Variants in RARG observed in about 807,000 individuals in gnomAD.
RARG encodes the protein RAR-gamma.
A neutral mutation model predicts 43.7 loss-of-function variants in RARG; 17 were observed. The observed-to-expected ratio is 0.39, with a 90% CI of 0.27 to 0.58. The LOEUF (loss-of-function observed/expected upper bound fraction) is 0.58, where lower values mean the gene tolerates loss of function less well. Ranked by LOEUF, RARG falls within the 20% of genes least tolerant of loss-of-function variation. The pLI is 0.57. For synonymous variants in RARG, 238 were observed against 236.4 expected (o/e 1.01, Z -0.06); for missense variants, 346 against 598.7 (o/e 0.58, Z 4.40).
rs770472394 is a variant in RARG, at chr12:53,227,565, T to C, written c.-20A>G. ...GGCCATGGCAGCTGCGGTGTGAGAG[T>C]CCCCTGGGGTCTGCAGTGGGCGGGC... is the stretch of plus-strand genomic sequence containing the variant. On this transcript the variant is annotated 5_prime_UTR_variant, in exon 3 of 10. Transcript: ENST00000425354. This position sits in a 1 kb window ranked among gnomAD's most constrained non-coding sequence, Gnocchi z 4.3. 4 of 1,523,684 alleles carry C rather than the reference T, an allele frequency of 2.6e-6. No individual in the cohort carries two copies. Among genetic ancestry groups the C allele is most frequent in the Non-Finnish European group, 3.5e-6 (4 of 1,134,012 alleles). The allele number at this position is 1,523,684 out of a possible 1,614,324, so 94.4% of individuals were successfully genotyped here.
intron 2 of RARG, among the ~76,000 whole-genome samples, chr12:53,230,955 T>C (rs12227354): frequency 0.1 from 15,398 of 151,876 alleles, 1,275 homozygotes; most frequent in African/African-American, 0.23. Flanking sequence ...GTCTTCTCTC[T>C]ACTTGCCTCA....
chr12:53,228,124 CTT>C (rs1174863457), intron 2 of RARG, among the ~76,000 whole-genome samples: 4 of 152,190 alleles, frequency 2.6e-5, no homozygotes, highest in Non-Finnish European at 4.4e-5. Flanking sequence ...GATTCAAACT[CTT>C]TACCATCCTG....
intron 2 of RARG, chr12:53,230,028 A>G: frequency 2.1e-6 from 2 of 932,364 alleles, no homozygotes; most frequent in South Asian, 9.9e-5. Context: ...GATTCCTCCC[A>G]TTTCTGAGCC....
rs59367849 is a variant in RARG, at chr12:53,230,836, C to CGTGTGT, written c.-143+327_-143+332dup. Among the ~76,000 whole-genome samples, 754 of 119,988 alleles carry CGTGTGT rather than the reference C, an allele frequency of 6.3e-3. 4 individuals are homozygous for CGTGTGT. The highest frequency in any genetic ancestry group is 8.9e-3 in the Non-Finnish European group (509 of 57,292). 78.7% of individuals were successfully genotyped at this position (119,988 alleles called of 152,430 possible). ...GCCTACTAGGCTGTAGGCCACAGTGCGTGTGTGTGTGTGTGTGTGTGTGTG... is the reference window on the plus strand; with the variant it reads ...GCCTACTAGGCTGTAGGCCACAGTGCGTGTGTGTGTGTGTGTGTGTGTGTGTGTGTG... On this transcript the variant is annotated intron_variant, in intron 2 of 9. Coordinates refer to ENST00000425354, the MANE Select transcript of RARG (RefSeq NM_000966.6).
intron 3 of RARG, among the ~76,000 whole-genome samples, chr12:53,224,352 G>A (rs1474989288): frequency 6.6e-6 from 1 of 152,112 alleles, no homozygotes; most frequent in Non-Finnish European, 1.5e-5. Flanking sequence ...CAGCCCCAGG[G>A]AGAAGTGCCA....
chr12:53,214,692 G>C, intron 5 of RARG, 86 bp from the exon 6 acceptor site: 1 of 1,309,178 alleles, frequency 7.6e-7, no homozygotes, highest in Non-Finnish European at 1.0e-6. Context: ...AATATGCTCA[G>C]TCCTTATCAT....
At chr12:53,220,967 C>T (rs931947112) in intron 3 of RARG, among the ~76,000 whole-genome samples, 2 of 151,904 alleles carry the variant, frequency 1.3e-5, no homozygotes, top group Non-Finnish European at 2.9e-5. Flanking sequence ...CCGAAAAGTG[C>T]ATTCCTGCGG....
chr12:53,223,475 G>A (rs1225301049), intron 3 of RARG, among the ~76,000 whole-genome samples: 1 of 151,524 alleles, frequency 6.6e-6, no homozygotes, highest in Admixed American at 6.6e-5. Flanking sequence ...GCCAGGAGAG[G>A]GGGGTGCAGC....
intron 3 of RARG, among the ~76,000 whole-genome samples, chr12:53,225,372 C>T (rs1051816639): frequency 6.6e-6 from 1 of 152,208 alleles, no homozygotes; most frequent in African/African-American, 2.4e-5. Context: ...GAATTCTGTA[C>T]ATGAGCAGAG....
chr12:53,214,607 CT>C lies in RARG; in HGVS notation c.476-2del. The C allele has an allele frequency of 6.3e-7, 1 of 1,598,328 alleles. No individual in the cohort carries two copies. Among genetic ancestry groups the C allele is most frequent in the Non-Finnish European group, 8.6e-7 (1 of 1,167,060 alleles). On this transcript the variant is annotated splice_acceptor_variant, in intron 5 of 9. Coordinates refer to ENST00000425354, the MANE Select transcript of RARG (RefSeq NM_000966.6). LOFTEE classifies it high-confidence loss of function. ...TTCTTGTTCCGGTCATTTCGCACAG[CT>C]TGTGGGTGGAGGCGCAAGGAGAGGG... is the stretch of plus-strand genomic sequence containing the variant.
At chr12:53,229,613 G>A (rs79988442) in intron 2 of RARG, among the ~76,000 whole-genome samples, 4,259 of 152,186 alleles carry the variant, frequency 0.028, 115 homozygotes, top group South Asian at 0.096. Flanking sequence ...ATTCCCCTCC[G>A]AAGTTCTCAT....
Position 53,214,543 on chromosome 12 carries a change from T to C in RARG, c.539A>G (p.Tyr180Cys), listed in dbSNP as rs1263365408. Residue 180 changes from tyrosine to cysteine, a missense_variant, in exon 6 of 10, where the codon TAT becomes TGT. Tyr to Cys is a radical substitution (Grantham distance 194). Coordinates refer to ENST00000425354, the MANE Select transcript of RARG (RefSeq NM_000966.6). The stretch of plus-strand genomic sequence containing the variant: ...CTCTTCTAACTGAGGGCTCAGCTCA[T>C]AGCTGTCAGGTGACCCTTCTTCCTT... ...EVKEEGSPDSYELSPQLEELI... is the reference protein window; with the variant it reads ...EVKEEGSPDSCELSPQLEELI... The C allele has an allele frequency of 6.2e-7, 1 of 1,613,100 alleles. No individual in the cohort carries two copies. The highest frequency in any genetic ancestry group is 8.5e-7 in the Non-Finnish European group (1 of 1,179,078).
chr12:53,230,604 C>T (rs1212010571), intron 2 of RARG, among the ~76,000 whole-genome samples: 2 of 152,032 alleles, frequency 1.3e-5, no homozygotes, highest in East Asian at 3.9e-4. Flanking sequence ...GTCTCCACCT[C>T]TCATCCCCAG....
At position 53,216,455 on chromosome 12, in the gene RARG, G is replaced by T. The variant is rs192427563; in HGVS notation, c.185-661C>A. Among the ~76,000 whole-genome samples, 13 of 152,276 alleles carry T rather than the reference G, an allele frequency of 8.5e-5. No individual in the cohort carries two copies. In the East Asian group the frequency reaches 1.5e-3, roughly 18 times the overall value. On this transcript the variant is annotated intron_variant, in intron 3 of 9. Coordinates refer to ENST00000425354, the MANE Select transcript of RARG (RefSeq NM_000966.6). Reference sequence around the variant, plus strand: ...AGCAAATGGGGCAAAGGTCTCAGGGGAGTGAGTGAGAGGATGCACCACAGC... The same window carrying T: ...AGCAAATGGGGCAAAGGTCTCAGGGTAGTGAGTGAGAGGATGCACCACAGC...
rs770523379 is a variant in RARG at position 53,213,411 on chromosome 12, C to A, written c.1018+85G>T. On this transcript the variant is annotated intron_variant, in intron 8 of 9. Coordinates refer to ENST00000425354, the MANE Select transcript of RARG (RefSeq NM_000966.6). This position sits in a 1 kb window ranked among gnomAD's most constrained non-coding sequence, Gnocchi z 4.7. ...CCAGCAGAAGAGACCACTGGGTCCT[C>A]CACGCCCCCTCCCAGACAGATTCCG... The A allele has an allele frequency of 3.3e-4, 511 of 1,531,840 alleles. No individual in the cohort carries two copies. Among genetic ancestry groups the A allele is most frequent in the Non-Finnish European group, 4.4e-4 (492 of 1,117,152 alleles). The allele number at this position is 1,531,840 out of a possible 1,614,324, so 94.9% of individuals were successfully genotyped here.
At position 53,219,924 on chromosome 12, in the gene RARG, C is replaced by A. The variant is rs1021292558; in HGVS notation, c.185-4130G>T. On this transcript the variant is annotated intron_variant, in intron 3 of 9. Coordinates refer to ENST00000425354, the MANE Select transcript of RARG (RefSeq NM_000966.6). ...ATCCCACCCTCTCCTGCACCCTACA[C>A]CCCAGCCCCGGACTCCGGTACCTAC... 4 of 1,489,934 alleles carry A rather than the reference C, an allele frequency of 2.7e-6. No homozygotes were observed. The African/African-American group carries it at 4.2e-5, about 16-fold the overall frequency. 92.3% of individuals were successfully genotyped at this position (1,489,934 alleles called of 1,614,324 possible). A position where few individuals can be genotyped will look rare whatever the true frequency, so the allele number is the denominator to read the frequency against.
Position 53,211,960 on chromosome 12 carries a change from T to A in RARG, c.1178-97A>T. ...CTTTCTCAACTGCCCCTGACTCCCC[T>A]AGGGGGCGCCCAGCACAGGCCCACC... On this transcript the variant is annotated intron_variant, in intron 9 of 9. Transcript: ENST00000425354. This position sits in a 1 kb window ranked among gnomAD's most constrained non-coding sequence, Gnocchi z 4.6. The A allele has an allele frequency of 9.9e-7, 1 of 1,011,768 alleles. No individual in the cohort carries two copies. Among genetic ancestry groups the A allele is most frequent in the Non-Finnish European group, 1.3e-6 (1 of 760,756 alleles). The allele number at this position is 1,011,768 out of a possible 1,614,324, so 62.7% of individuals were successfully genotyped here. A position where few individuals can be genotyped will look rare whatever the true frequency, so the allele number is the denominator to read the frequency against.
At chr12:53,216,980 G>A (rs1942790240) in intron 3 of RARG, among the ~76,000 whole-genome samples, 1 of 152,056 alleles carries the variant, frequency 6.6e-6, no homozygotes, top group African/African-American at 2.4e-5. Flanking sequence ...TCCCTAAGGT[G>A]TGTCCCACGC....
intron 3 of RARG, among the ~76,000 whole-genome samples, chr12:53,225,450 C>T (rs939730901): frequency 1.3e-5 from 2 of 152,114 alleles, no homozygotes; most frequent in Admixed American, 6.5e-5. Context: ...ACCCCTTCTC[C>T]GATGAACACA....
Sources: gnomAD v4.1 joint callset for allele counts (sites outside exome capture counted in the v4.1 genomes callset) on GRCh38, gnomAD v4.1.1 for gene constraint, Gnocchi (gnomAD v3.1) non-coding constraint, MANE v1.5 for transcripts, NCBI Gene and HGNC (gene_info 2026-07-23, HGNC 2026-07-21) for gene names.